The following TTC34 variants were observed in gnomAD, a reference collection of about 807,000 sequenced individuals.
TTC34 encodes the protein tetratricopeptide repeat protein 34.
In TTC34, 44 loss-of-function variants were observed where a neutral mutation model predicts 40.7. That is an observed-to-expected ratio of 1.08 (90% CI 0.85 to 1.39). The LOEUF (loss-of-function observed/expected upper bound fraction) is 1.39, where lower values mean the gene tolerates loss of function less well. TTC34 is among the 40% of genes most tolerant of loss of function. The pLI is 0.00. For missense variants in TTC34, 884 were observed against 838.0 expected (o/e 1.05, Z -0.68); for synonymous variants, 422 against 398.6 (o/e 1.06, Z -0.70).
chr1:2,789,698 G>A, exon 3 of TTC34: 1 of 1,166,726 alleles, frequency 8.6e-7, no homozygotes, highest in Non-Finnish European at 1.1e-6. Flanking sequence ...CCTGCAGGCG[G>A]TGACATAGTC....
intron 2 of TTC34, among the ~76,000 whole-genome samples, chr1:2,798,339 T>C (rs554811084): frequency 1.0e-4 from 3 of 29,232 alleles, no homozygotes; most frequent in Admixed American, 4.0e-4. Flanking sequence ...CTCAGCCTCT[T>C]AGCCCCTTAG....
At chr1:2,644,233 G>A in intron 8 of TTC34, 31 bp downstream of exon 8, 4 of 1,518,940 alleles carry the variant, frequency 2.6e-6, no homozygotes, top group Non-Finnish European at 3.5e-6. Flanking sequence ...GGGAAGGTTG[G>A]GGTGGGAGAT....
At chr1:2,786,175 C>T (rs1020786755) in intron 4 of TTC34, among the ~76,000 whole-genome samples, 152 bp from the exon 5 acceptor site, 68 of 152,036 alleles carry the variant, frequency 4.5e-4, no homozygotes, top group African/African-American at 1.5e-3. Context: ...TGCTGCCCCA[C>T]GGCTCACCCA....
At chr1:2,642,438 T>C (rs951420582) in intron 8 of TTC34, among the ~76,000 whole-genome samples, 27 of 151,810 alleles carry the variant, frequency 1.8e-4, no homozygotes, top group African/African-American at 6.5e-4. Flanking sequence ...CCCTAGCCCC[T>C]CTCCCTGGGG....
At chr1:2,692,488 G>C (rs377541332) in intron 6 of TTC34, among the ~76,000 whole-genome samples, 2 of 141,606 alleles carry the variant, frequency 1.4e-5, no homozygotes, top group Non-Finnish European at 3.1e-5. Context: ...CTGACAGCCT[G>C]GAACAGCAGC....
At chr1:2,692,444 G>T (rs1449700199) in intron 6 of TTC34, among the ~76,000 whole-genome samples, 2 of 102,718 alleles carry the variant, frequency 1.9e-5, no homozygotes, top group Admixed American at 9.8e-5. Context: ...GCATCTGACT[G>T]CCTGGAGCAG....
exon 9 of TTC34, chr1:2,641,444 T>C (rs1261345597): frequency 1.3e-6 from 2 of 1,535,174 alleles, no homozygotes; most frequent in Non-Finnish European, 1.7e-6. Context: ...GTGGTCGGGG[T>C]CCACCAGGAG....
chr1:2,755,561 A>C (rs1243443071), intron 6 of TTC34, among the ~76,000 whole-genome samples: 24 of 35,290 alleles, frequency 6.8e-4, no homozygotes, highest in African/African-American at 1.5e-3. Context: ...GAGCATCTGA[A>C]ACCACGGAGC....
At position 2,643,772 on chromosome 1, in the gene TTC34, G is replaced by A. The variant is rs906007616; in HGVS notation, c.2712+492C>T. Among the ~76,000 whole-genome samples, 10 of 152,318 alleles carry A rather than the reference G, an allele frequency of 6.6e-5. No homozygotes were observed. The East Asian group carries it at 1.9e-3, about 29-fold the overall frequency. On this transcript the variant is annotated intron_variant, in intron 8 of 8. Coordinates refer to ENST00000401095, the Ensembl canonical transcript of TTC34. The stretch of plus-strand genomic sequence containing the variant: ...GGTTTCTGTTTTCCTAAGTGGCCCC[G>A]GAGTGCTAGAACCCGCTGGTGTCAG...
chr1:2,688,096 G>T (rs957673465), intron 6 of TTC34, among the ~76,000 whole-genome samples: 322 of 140,342 alleles, frequency 2.3e-3, no homozygotes, highest in African/African-American at 8.3e-3. Flanking sequence ...ACCCCCAGGT[G>T]CGCACGTGAC....
At chr1:2,651,155 C>G (rs1177887588) in intron 6 of TTC34, among the ~76,000 whole-genome samples, 1 of 151,790 alleles carries the variant, frequency 6.6e-6, no homozygotes, top group Non-Finnish European at 1.5e-5. Flanking sequence ...CCTCCAGCAC[C>G]AGGTGAGCAC....
At chr1:2,640,139 G>A (rs1638872532) in exon 9 of TTC34, 1 of 152,458 alleles carries the variant, frequency 6.6e-6, no homozygotes, top group Non-Finnish European at 1.5e-5. Flanking sequence ...GGAGAGAGAA[G>A]CCAGGAGGGG....
intron 6 of TTC34, among the ~76,000 whole-genome samples, chr1:2,751,785 G>A (rs1641328994): frequency 7.2e-6 from 1 of 139,276 alleles, no homozygotes; most frequent in Non-Finnish European, 1.5e-5. Context: ...GTGAGCATCT[G>A]ACAGCCTGGA....
At chr1:2,681,096 G>A (rs796262891) in intron 6 of TTC34, among the ~76,000 whole-genome samples, 238 of 30,636 alleles carry the variant, frequency 7.8e-3, no homozygotes, top group South Asian at 0.01. Context: ...CTAGAGCAGT[G>A]CCCACACCCC....
chr1:2,756,780 TCCACACCCCCAGGTGAACA>T (rs1641521755), intron 6 of TTC34, among the ~76,000 whole-genome samples: 1 of 20,288 alleles, frequency 4.9e-5, no homozygotes, highest in Non-Finnish European at 8.5e-5. Context: ...TGGAACAGCA[TCCACACCCCCAGGTGAACA>T]TCCGACAGCC....
chr1:2,684,577 G>C (rs76335449), intron 6 of TTC34, among the ~76,000 whole-genome samples: 1 of 135,584 alleles, frequency 7.4e-6, no homozygotes, highest in South Asian at 2.3e-4. Flanking sequence ...GCATCCGATA[G>C]CCTGGAGCAA....
chr1:2,760,452 C>G (rs1363589311), intron 6 of TTC34, among the ~76,000 whole-genome samples: 1 of 46,582 alleles, frequency 2.1e-5, no homozygotes, highest in African/African-American at 3.2e-4. Context: ...CACACCCAGG[C>G]GAGAATCTGA....
intron 2 of TTC34, among the ~76,000 whole-genome samples, chr1:2,791,824 G>A (rs966479110): frequency 6.6e-6 from 1 of 151,868 alleles, no homozygotes; most frequent in Non-Finnish European, 1.5e-5. Context: ...CTCTCTTTCC[G>A]AGATTCCAGT....
chr1:2,774,072 C>T (rs1214814550), intron 6 of TTC34: 1 of 150,132 alleles, frequency 6.7e-6, no homozygotes, highest in Non-Finnish European at 1.5e-5. Flanking sequence ...CCCAGGTGAG[C>T]ATTTGACAGC....
Sources: allele counts gnomAD v4.1 joint callset (sites outside exome capture counted in the v4.1 genomes callset), GRCh38; gene constraint gnomAD v4.1.1; transcripts MANE v1.5; gene names NCBI Gene and HGNC (gene_info 2026-07-23, HGNC 2026-07-21).